FBXO34: variants seen among roughly 807,000 people sequenced by gnomAD.
FBXO34 encodes F-box only protein 34.
A neutral mutation model predicts 24.5 loss-of-function variants in FBXO34; 12 were observed. That is an observed-to-expected ratio of 0.49 (90% CI 0.31 to 0.79). The LOEUF is 0.79. Among genes scored for constraint, FBXO34 ranks in the 30% least tolerant of loss-of-function variants. The pLI is 0.04. For missense variants in FBXO34, 823 were observed against 857.7 expected, an observed-to-expected ratio of 0.96 and a Z score of 0.51; for synonymous variants, 320 against 311.9, an observed-to-expected ratio of 1.03 and a Z score of -0.27.
chr14:55,272,377 A>G (rs528707711), intron 1 of FBXO34: 2 of 152,302 alleles, frequency 1.3e-5, no homozygotes, highest in East Asian at 3.9e-4. Context: ...AAGACATTTG[A>G]TTTAGAAAAA....
chr14:55,383,641 T>C, the FBXO34 span, among the ~76,000 whole-genome samples: 1 of 151,532 alleles, frequency 6.6e-6, no homozygotes, highest in Non-Finnish European at 1.5e-5. Flanking sequence ...TGATGACTCA[T>C]GCCTGTAATT....
the FBXO34 span, among the ~76,000 whole-genome samples, chr14:55,389,644 T>G: frequency 6.6e-6 from 1 of 152,262 alleles, no homozygotes; most frequent in Non-Finnish European, 1.5e-5. Context: ...TGCAGCTTGC[T>G]GCCGGCACTC....
At chr14:55,438,745 TC>T in the FBXO34 span, 1 of 152,250 alleles carries the variant, frequency 6.6e-6, no homozygotes, top group Non-Finnish European at 1.5e-5. Flanking sequence ...GTTCACTGCA[TC>T]CTTGGCTTCA....
intron 1 of FBXO34, chr14:55,298,900 A>G (rs1882239789): frequency 1.3e-6 from 2 of 1,589,898 alleles, no homozygotes; most frequent in South Asian, 1.1e-5. Flanking sequence ...GCCCTGGAGA[A>G]TGCCAACACC....
chr14:55,296,426 C>T (rs1051665450), intron 1 of FBXO34, among the ~76,000 whole-genome samples: 26 of 115,718 alleles, frequency 2.2e-4, no homozygotes, highest in Admixed American at 5.4e-4. Context: ...GAGACAGTCT[C>T]GCTCTGTCGC....
the FBXO34 span, among the ~76,000 whole-genome samples, chr14:55,384,890 T>C: frequency 5.9e-5 from 9 of 152,198 alleles, no homozygotes; most frequent in African/African-American, 1.7e-4. Flanking sequence ...TTTAAAGATA[T>C]AGAAATATTA....
downstream of FBXO34, chr14:55,368,210 CCTG>C (rs1313241789): frequency 6.6e-6 from 1 of 152,396 alleles, no homozygotes; most frequent in Admixed American, 6.6e-5. Flanking sequence ...AAAATGATCT[CCTG>C]CTGAGGGAAA....
At chr14:55,380,220 C>G in the FBXO34 span, among the ~76,000 whole-genome samples, 2 of 151,994 alleles carry the variant, frequency 1.3e-5, no homozygotes, top group Non-Finnish European at 2.9e-5. Context: ...TGCACTCTGG[C>G]CTGGGCGACA....
At chr14:55,284,511 T>TC (rs1364450252) in intron 1 of FBXO34, among the ~76,000 whole-genome samples, 1 of 85,998 alleles carries the variant, frequency 1.2e-5, no homozygotes, top group Non-Finnish European at 2.3e-5. Flanking sequence ...AACCTCTGTC[T>TC]CCAAAAAAAA....
At chr14:55,404,815 T>C in the FBXO34 span, among the ~76,000 whole-genome samples, 1 of 152,164 alleles carries the variant, frequency 6.6e-6, no homozygotes, top group Admixed American at 6.5e-5. Flanking sequence ...AAAAATATAG[T>C]TCAGATCTAA....
chr14:55,426,883 G>A, the FBXO34 span, among the ~76,000 whole-genome samples: 3 of 152,188 alleles, frequency 2.0e-5, no homozygotes, highest in South Asian at 6.2e-4. Flanking sequence ...TCTAGACTTA[G>A]ATCTGCTCTG....
At chr14:55,367,151 A>G (rs1487236451) in exon 3 of FBXO34, 1 of 152,358 alleles carries the variant, frequency 6.6e-6, no homozygotes, top group African/African-American at 2.4e-5. Context: ...CTTTAGCTTC[A>G]TCTCTCATTC....
At chr14:55,421,743 G>A in the FBXO34 span, among the ~76,000 whole-genome samples, 9 of 152,182 alleles carry the variant, frequency 5.9e-5, no homozygotes, top group South Asian at 2.1e-4. Context: ...GATTACAGGC[G>A]TGAGCCACCA....
chr14:55,397,492 C>T, the FBXO34 span: 2 of 1,333,820 alleles, frequency 1.5e-6, no homozygotes, highest in Non-Finnish European at 2.1e-6. Context: ...TTCAATGAGA[C>T]TATGCAAATT....
At chr14:55,293,917 T>G (rs1159996104) in intron 1 of FBXO34, among the ~76,000 whole-genome samples, 1 of 152,082 alleles carries the variant, frequency 6.6e-6, no homozygotes, top group Non-Finnish European at 1.5e-5. Flanking sequence ...TGGCTGACAT[T>G]TTTGCTTATT....
intron 1 of FBXO34, among the ~76,000 whole-genome samples, chr14:55,326,917 G>A (rs1168203868): frequency 6.6e-6 from 1 of 152,010 alleles, no homozygotes; most frequent in Non-Finnish European, 1.5e-5. Context: ...TGTGTATAAC[G>A]TTATTATTTT....
chr14:55,380,866 T>C, the FBXO34 span, among the ~76,000 whole-genome samples: 1 of 96,046 alleles, frequency 1.0e-5, no homozygotes, highest in Admixed American at 8.7e-5. Flanking sequence ...TATATATATA[T>C]ATATATATAT....
chr14:55,379,263 C>T, the FBXO34 span, among the ~76,000 whole-genome samples: 177 of 152,136 alleles, frequency 1.2e-3, 1 homozygote, highest in African/African-American at 4.2e-3. Context: ...TGGCCGGGTG[C>T]AGTGGTTCAT....
At chr14:55,385,197 A>C in the FBXO34 span, among the ~76,000 whole-genome samples, 4 of 152,238 alleles carry the variant, frequency 2.6e-5, no homozygotes, top group Admixed American at 1.3e-4. Context: ...CCCATTTATC[A>C]GACAAGGAAA....
Sources: gnomAD v4.1 joint callset for allele counts (sites outside exome capture counted in the v4.1 genomes callset) on GRCh38, gnomAD v4.1.1 for gene constraint, MANE v1.5 for transcripts, NCBI Gene and HGNC (gene_info 2026-07-23, HGNC 2026-07-21) for gene names.